Variants in COL25A1 observed in about 807,000 individuals in gnomAD.
The protein encoded by COL25A1 is collagen type XXV alpha 1 chain, also known as collagen alpha-1(XXV) chain.
In COL25A1, 103 loss-of-function variants were observed where a neutral mutation model predicts 128.4. The observed-to-expected ratio is 0.80, with a 90% CI of 0.68 to 0.94. The LOEUF (loss-of-function observed/expected upper bound fraction) is 0.94. Ranked by LOEUF, COL25A1 falls within the 40% of genes least tolerant of loss-of-function variation. The pLI is 0.00. For synonymous variants in COL25A1, 279 were observed against 277.2 expected (o/e 1.01, Z -0.06); for missense variants, 745 against 840.0 (o/e 0.89, Z 1.40).
intron 13 of COL25A1, among the ~76,000 whole-genome samples, chr4:108,903,151 T>A (rs1743051163): frequency 6.6e-6 from 1 of 152,018 alleles, no homozygotes; most frequent in Non-Finnish European, 1.5e-5. Flanking sequence ...GGTATCTGCA[T>A]AACATTCTCC....
chr4:109,093,484 T>A (rs1020194950), intron 3 of COL25A1, among the ~76,000 whole-genome samples: 6 of 130,822 alleles, frequency 4.6e-5, no homozygotes, highest in African/African-American at 2.0e-4. Context: ...AAACCTTTTT[T>A]AAATTAGTTA....
intron 3 of COL25A1, among the ~76,000 whole-genome samples, chr4:109,266,674 T>C (rs1781823875): frequency 6.6e-6 from 1 of 152,042 alleles, no homozygotes; most frequent in Non-Finnish European, 1.5e-5. Flanking sequence ...AAAGTATTCA[T>C]TGTAGGAAGA....
chr4:109,254,505 A>ATATATATATATGTGTGTG (rs1383703429), intron 3 of COL25A1, among the ~76,000 whole-genome samples: 8 of 105,006 alleles, frequency 7.6e-5, no homozygotes, highest in African/African-American at 2.4e-4. Context: ...ATATATATAT[A>ATATATATATATGTGTGTG]TGTATGTGTG....
chr4:109,280,263 T>C (rs1200862475), intron 3 of COL25A1, among the ~76,000 whole-genome samples: 2 of 152,184 alleles, frequency 1.3e-5, no homozygotes, highest in East Asian at 3.8e-4. Context: ...CTCAGACTAT[T>C]TTAAAAATTA....
rs1419893548 is a variant in COL25A1, at chr4:108,953,971, A to G, written c.493-12534T>C. Among the ~76,000 whole-genome samples, 6 of 152,168 alleles carry G rather than the reference A, an allele frequency of 3.9e-5. No individual in the cohort carries two copies. In the East Asian group the frequency reaches 9.6e-4, roughly 24 times the overall value. On this transcript the variant is annotated intron_variant, in intron 8 of 37. Transcript: ENST00000399132. The stretch of plus-strand genomic sequence containing the variant: ...GGAAAGGGTTACTGGTTCTGTATCA[A>G]TTACACATTGTAATTCAGAACACTG...
At chr4:109,002,775 T>G (rs901520434) in intron 6 of COL25A1, among the ~76,000 whole-genome samples, 6 of 151,436 alleles carry the variant, frequency 4.0e-5, no homozygotes, top group African/African-American at 1.5e-4. Context: ...ATTTTTTTTT[T>G]GTTTTACTTT....
intron 3 of COL25A1, among the ~76,000 whole-genome samples, chr4:109,191,605 T>C (rs1042764451): frequency 1.3e-5 from 2 of 152,200 alleles, no homozygotes; most frequent in African/African-American, 4.8e-5. Flanking sequence ...CATTTTAGGT[T>C]AATAGACCCA....
intron 13 of COL25A1, among the ~76,000 whole-genome samples, chr4:108,917,757 G>T (rs1000168065): frequency 1.1e-4 from 17 of 152,156 alleles, no homozygotes; most frequent in African/African-American, 3.9e-4. Flanking sequence ...CAGAAAGTTT[G>T]ACTAGTTCCT....
intron 3 of COL25A1, among the ~76,000 whole-genome samples, chr4:109,120,687 T>C (rs1768028112): frequency 1.3e-5 from 2 of 151,836 alleles, no homozygotes; most frequent in South Asian, 4.2e-4. Flanking sequence ...CATGCACCTG[T>C]TGTCTCAGCT....
At chr4:109,288,904 T>C (rs1244773025) in intron 3 of COL25A1, among the ~76,000 whole-genome samples, 2 of 150,862 alleles carry the variant, frequency 1.3e-5, no homozygotes, top group African/African-American at 4.9e-5. Context: ...GTTAGGAATA[T>C]GAAAGGAAAC....
chr4:109,270,258 T>C (rs1460731407), intron 3 of COL25A1, among the ~76,000 whole-genome samples: 2 of 152,044 alleles, frequency 1.3e-5, no homozygotes, highest in South Asian at 2.1e-4. Context: ...GGTATTCAAT[T>C]AGGAAAAGAG....
At chr4:109,249,892 C>T (rs939596898) in intron 3 of COL25A1, among the ~76,000 whole-genome samples, 1 of 152,120 alleles carries the variant, frequency 6.6e-6, no homozygotes, top group Non-Finnish European at 1.5e-5. Flanking sequence ...TGCAAATTCA[C>T]CCCCATTTGC....
intron 3 of COL25A1, among the ~76,000 whole-genome samples, chr4:109,140,080 C>T (rs1770246547): frequency 6.6e-6 from 1 of 152,120 alleles, no homozygotes; most frequent in South Asian, 2.1e-4. Context: ...CATTGTTGGA[C>T]ATTTGGGTTG....
At position 108,863,458 on chromosome 4, in the gene COL25A1, G is replaced by C. The variant is rs1479411646; in HGVS notation, c.1084-71C>G. On this transcript the variant is annotated intron_variant, in intron 20 of 37. Transcript: ENST00000399132. Reference sequence around the variant, plus strand: ...GGCTGGTCCCTGTAGATTAATAAATGAGTTGAAGGAAACCAAAGAAAGCAG... The same window carrying C: ...GGCTGGTCCCTGTAGATTAATAAATCAGTTGAAGGAAACCAAAGAAAGCAG... The C allele has an allele frequency of 3.1e-6, 4 of 1,289,912 alleles. No individual in the cohort carries two copies. The Admixed American group carries it at 7.5e-5, about 24-fold the overall frequency. The allele number at this position is 1,289,912 out of a possible 1,614,324, so 79.9% of individuals were successfully genotyped here. A position where few individuals can be genotyped will look rare whatever the true frequency, so the allele number is the denominator to read the frequency against.
chr4:109,301,849 G>A lies in COL25A1; in HGVS notation c.171C>T (p.Asn57=), dbSNP rs772746069. Residue 57 remains asparagine (N), a synonymous_variant, in exon 2 of 38, where the codon AAC becomes AAT. Transcript: ENST00000399132. ...VSCLYLGVKT[N]DLQARIAALE... ...GAGCGGCGATCCTCGCCTGGAGGTC[G>A]TTGGTTTTCACACCCAGGTACAGGC... 1 of 1,614,108 alleles carries A rather than the reference G, an allele frequency of 6.2e-7. No individual in the cohort carries two copies. Among genetic ancestry groups the A allele is most frequent in the Non-Finnish European group, 8.5e-7 (1 of 1,180,058 alleles).
At chr4:109,186,132 G>T (rs955996172) in intron 3 of COL25A1, among the ~76,000 whole-genome samples, 1 of 151,182 alleles carries the variant, frequency 6.6e-6, no homozygotes, top group Non-Finnish European at 1.5e-5. Flanking sequence ...AGCTGGGAAT[G>T]AATGAGATGA....
intron 5 of COL25A1, among the ~76,000 whole-genome samples, chr4:109,040,517 C>T (rs939164820): frequency 9.2e-5 from 14 of 152,196 alleles, no homozygotes; most frequent in African/African-American, 3.1e-4. Flanking sequence ...TGCTTTGTAA[C>T]AGCACTTTAT....
chr4:109,041,146 C>A (rs1759852153), intron 5 of COL25A1, among the ~76,000 whole-genome samples: 1 of 151,998 alleles, frequency 6.6e-6, no homozygotes, highest in South Asian at 2.1e-4. Context: ...TGGACCCAAT[C>A]CTGTTATAGA....
At chr4:109,054,906 G>A (rs1761322467) in intron 3 of COL25A1, among the ~76,000 whole-genome samples, 1 of 152,110 alleles carries the variant, frequency 6.6e-6, no homozygotes, top group African/African-American at 2.4e-5. Flanking sequence ...TGAACAGGTC[G>A]CCAACAGCTG....
Sources: gnomAD v4.1 joint callset for allele counts (sites outside exome capture counted in the v4.1 genomes callset) on GRCh38, gnomAD v4.1.1 for gene constraint, MANE v1.5 for transcripts, NCBI Gene and HGNC (gene_info 2026-07-23, HGNC 2026-07-21) for gene names.